The following RAB11FIP5 variants were observed in gnomAD, a reference collection of about 807,000 sequenced individuals.
RAB11FIP5 encodes the protein RAB11 family interacting protein 5, also known as rab11 family-interacting protein 5.
Under a neutral mutation model 85.1 loss-of-function variants are expected in RAB11FIP5, and 48 were observed. That is an observed-to-expected ratio of 0.56 (90% CI 0.45 to 0.72). The LOEUF is 0.72. RAB11FIP5 is among the 30% of genes least tolerant of loss of function. RAB11FIP5 has a pLI of 0.00. For missense variants in RAB11FIP5, 1,491 were observed against 1,687.0 expected, an observed-to-expected ratio of 0.88 and a Z score of 2.04; for synonymous variants, 729 against 727.3, an observed-to-expected ratio of 1.00 and a Z score of -0.04.
At chr2:73,082,386 T>C (rs935313764) in intron 3 of RAB11FIP5, among the ~76,000 whole-genome samples, 2 of 152,188 alleles carry the variant, frequency 1.3e-5, no homozygotes, top group Non-Finnish European at 2.9e-5. Context: ...GGCCTAGGTA[T>C]CTGGCTGGAC....
At chr2:73,110,811 C>T (rs1684641264) in intron 1 of RAB11FIP5, among the ~76,000 whole-genome samples, 1 of 152,142 alleles carries the variant, frequency 6.6e-6, no homozygotes, top group African/African-American at 2.4e-5. Flanking sequence ...CCAGCACCCC[C>T]TGAACAGATG....
intron 1 of RAB11FIP5, among the ~76,000 whole-genome samples, chr2:73,109,449 T>C (rs1348949041): frequency 6.6e-6 from 1 of 152,236 alleles, no homozygotes; most frequent in Non-Finnish European, 1.5e-5. Context: ...CTATGATTAT[T>C]ATCATGACCT....
chr2:73,098,384 C>T (rs1056543905), intron 1 of RAB11FIP5, among the ~76,000 whole-genome samples: 5 of 152,228 alleles, frequency 3.3e-5, no homozygotes, highest in African/African-American at 9.6e-5. Context: ...AAAACACTTC[C>T]GTCCCAAGCA....
In RAB11FIP5 at chr2:73,075,795, CGCCCGCCT is replaced by C; in HGVS notation, c.3772-79_3772-72del. The C allele has an allele frequency of 6.6e-7, 1 of 1,503,826 alleles. No homozygotes were observed. The highest frequency in any genetic ancestry group is 9.0e-7 in the Non-Finnish European group (1 of 1,111,502). 93.2% of individuals were successfully genotyped at this position (1,503,826 alleles called of 1,614,324 possible). ...CTGCCTGCCTGCCCGCTTGCCCGCCCGCCCGCCTGCCCACCAACACCTAAGTTTCACCA... is the reference window on the plus strand; with the variant it reads ...CTGCCTGCCTGCCCGCTTGCCCGCCCGCCCACCAACACCTAAGTTTCACCA... On this transcript the variant is annotated intron_variant, in intron 5 of 5. Coordinates refer to ENST00000486777, the MANE Select transcript of RAB11FIP5 (RefSeq NM_001371272.1). This position sits in a 1 kb window ranked among gnomAD's most constrained non-coding sequence, Gnocchi z 4.6.
At chr2:73,103,969 C>T (rs1648061058) in intron 1 of RAB11FIP5, among the ~76,000 whole-genome samples, 2 of 152,266 alleles carry the variant, frequency 1.3e-5, no homozygotes, top group Non-Finnish European at 2.9e-5. Context: ...AACCAAGTGG[C>T]GATGGTCCCC....
At chr2:73,094,904 T>C (rs1180309028) in intron 1 of RAB11FIP5, among the ~76,000 whole-genome samples, 1 of 150,396 alleles carries the variant, frequency 6.6e-6, no homozygotes, top group African/African-American at 2.5e-5. Context: ...AAATTAAGAG[T>C]GTTAAGATGA....
intron 1 of RAB11FIP5, among the ~76,000 whole-genome samples, chr2:73,096,128 C>A (rs538793818): frequency 6.6e-6 from 1 of 152,340 alleles, no homozygotes; most frequent in Non-Finnish European, 1.5e-5. Context: ...CGGCCCTCAG[C>A]CTCCCCCCAC....
At position 73,097,445 on chromosome 2, in the gene RAB11FIP5, G is replaced by A. The variant is rs1417900433; in HGVS notation, c.432-8130C>T. 2.0e-5 allele frequency among the ~76,000 whole-genome samples: 3 copies of A among 152,200 alleles called. No homozygotes were observed. The East Asian group carries it at 5.8e-4, about 29-fold the overall frequency. On this transcript the variant is annotated intron_variant, in intron 1 of 5. Coordinates refer to ENST00000486777, the MANE Select transcript of RAB11FIP5 (RefSeq NM_001371272.1). Reference sequence around the variant, plus strand: ...ATGACAAAATGCTGCACATGTTCAAGGCTTGTTAGCATCTGTCTTCCCTTG... The same window carrying A: ...ATGACAAAATGCTGCACATGTTCAAAGCTTGTTAGCATCTGTCTTCCCTTG...
chr2:73,106,170 A>C (rs555537449), intron 1 of RAB11FIP5, among the ~76,000 whole-genome samples: 3 of 152,366 alleles, frequency 2.0e-5, no homozygotes, highest in African/African-American at 7.2e-5. Context: ...ATGGAAGTCC[A>C]GACCTTAAGA....
chr2:73,112,894 G>C lies in RAB11FIP5; in HGVS notation c.-117C>G. The C allele has an allele frequency of 2.1e-6, 2 of 971,816 alleles. No individual in the cohort carries two copies. The highest frequency in any genetic ancestry group is 8.9e-5 in the Admixed American group (2 of 22,566). The allele number at this position is 971,816 out of a possible 1,614,324, so 60.2% of individuals were successfully genotyped here. ...CAACTCTGAGCGCCGCCGCAGCTGC[G>C]GGCTGGGCTGGGCCGGGCCGACCGG... On this transcript the variant is annotated 5_prime_UTR_variant, in exon 1 of 6. Transcript: ENST00000486777.
intron 1 of RAB11FIP5, among the ~76,000 whole-genome samples, chr2:73,100,423 TG>T (rs1262162476): frequency 7.2e-6 from 1 of 138,114 alleles, no homozygotes. Flanking sequence ...TTTTTGGTTG[TG>T]GTTTTTTTTT....
chr2:73,109,050 A>G (rs1003151891), intron 1 of RAB11FIP5, among the ~76,000 whole-genome samples: 2 of 151,742 alleles, frequency 1.3e-5, no homozygotes, highest in African/African-American at 4.9e-5. Flanking sequence ...GTCTCAAAAA[A>G]GAAAAAAAAA....
intron 1 of RAB11FIP5, among the ~76,000 whole-genome samples, chr2:73,111,180 G>A (rs1246082256): frequency 6.6e-6 from 1 of 152,042 alleles, no homozygotes; most frequent in Admixed American, 6.5e-5. Flanking sequence ...AGACCACAGA[G>A]AGCCAGCCAG....
In RAB11FIP5 at chr2:73,089,902, C is replaced by T. The variant is rs1684176303; in HGVS notation, c.432-587G>A. On this transcript the variant is annotated intron_variant, in intron 1 of 5. Transcript: ENST00000486777. The surrounding 1 kb of genome is among the most constrained non-coding windows in gnomAD (Gnocchi z 4.6). ...ATGTATACACACACACACACACACA[C>T]ACACACACACACACCTCACTCACAC... 6.6e-6 allele frequency among the ~76,000 whole-genome samples: 1 copy of T among 151,812 alleles called. No individual in the cohort carries two copies. The highest frequency in any genetic ancestry group is 1.5e-5 in the Non-Finnish European group (1 of 67,960).
chr2:73,094,625 A>G (rs1188911538), intron 1 of RAB11FIP5, among the ~76,000 whole-genome samples: 1 of 152,182 alleles, frequency 6.6e-6, no homozygotes, highest in Non-Finnish European at 1.5e-5. Context: ...CCATGTGGGA[A>G]CCACAAGGAT....
At chr2:73,111,216 A>G (rs1684649752) in intron 1 of RAB11FIP5, among the ~76,000 whole-genome samples, 1 of 151,898 alleles carries the variant, frequency 6.6e-6, no homozygotes, top group Admixed American at 6.6e-5. Flanking sequence ...CCCATGTTTC[A>G]GAAAACATTC....
intron 1 of RAB11FIP5, among the ~76,000 whole-genome samples, chr2:73,103,114 C>T (rs543652586): frequency 1.3e-5 from 2 of 152,290 alleles, no homozygotes; most frequent in South Asian, 2.1e-4. Flanking sequence ...CCGCATCCAC[C>T]GCCTACCCCA....
At chr2:73,094,776 C>T (rs531944005) in intron 1 of RAB11FIP5, among the ~76,000 whole-genome samples, 4 of 152,274 alleles carry the variant, frequency 2.6e-5, no homozygotes, top group Admixed American at 1.3e-4. Flanking sequence ...TCCCAAGTCC[C>T]GAGGACACGC....
At position 73,075,709 on chromosome 2, in the gene RAB11FIP5, C is replaced by A; in HGVS notation, c.3787G>T (p.Asp1263Tyr). The change falls in exon 6 of 6, where the codon GAC becomes TAC. Residue 1263 changes from aspartate (D) to tyrosine (Y), a missense_variant. Asp to Tyr is a radical substitution (Grantham distance 160). Around this residue, in one of 3 missense-constraint regions of RAB11FIP5, gnomAD observed 232 missense variants for 259.1 expected, o/e 0.90. Transcript: ENST00000486777. The surrounding 1 kb of genome is among the most constrained non-coding windows in gnomAD (Gnocchi z 4.6). ...TKRLKDSAVL[D>Y]QSAKYYHLTH... ...AGGTGGTAGTACTTGGCCGACTGGT[C>A]CAGCACAGCTGAGTCCTGAGGCCGG... 1 of 1,607,676 alleles carries A rather than the reference C, an allele frequency of 6.2e-7. No homozygotes were observed. Among genetic ancestry groups the A allele is most frequent in the Non-Finnish European group, 8.5e-7 (1 of 1,176,748 alleles).
Sources: allele counts gnomAD v4.1 joint callset (sites outside exome capture counted in the v4.1 genomes callset), GRCh38; gene constraint gnomAD v4.1.1; regional missense constraint gnomAD v4.1.1; non-coding constraint Gnocchi (gnomAD v3.1); transcripts MANE v1.5; gene names NCBI Gene and HGNC (gene_info 2026-07-23, HGNC 2026-07-21).